The following ATP5F1B variants were observed in gnomAD, a reference collection of about 807,000 sequenced individuals.
The protein encoded by ATP5F1B is ATP synthase F1 subunit beta.
Under a neutral mutation model 45.9 loss-of-function variants are expected in ATP5F1B, and 17 were observed. The observed-to-expected ratio is 0.37, with a 90% CI of 0.25 to 0.56. The LOEUF is 0.56. ATP5F1B is among the 20% of genes least tolerant of loss of function. The probability of loss-of-function intolerance (pLI) is 0.80; values close to 1 mark genes in which losing one functional copy is unlikely to be tolerated. For missense variants in ATP5F1B, 387 were observed against 673.2 expected, an observed-to-expected ratio of 0.57 and a Z score of 4.70; for synonymous variants, 218 against 256.5, an observed-to-expected ratio of 0.85 and a Z score of 1.43.
intron 3 of ATP5F1B, among the ~76,000 whole-genome samples, chr12:56,644,565 C>A (rs988994459): frequency 2.6e-5 from 4 of 151,596 alleles, no homozygotes; most frequent in Non-Finnish European, 5.9e-5. Flanking sequence ...GAGTCGAGAG[C>A]GAAACTCCCT....
At chr12:56,640,552 A>G (rs1384488170) in intron 7 of ATP5F1B, among the ~76,000 whole-genome samples, 1 of 151,964 alleles carries the variant, frequency 6.6e-6, no homozygotes, top group East Asian at 1.9e-4. Flanking sequence ...TACTTAAGCC[A>G]TCCCCCTTTC....
chr12:56,638,981 T>C, intron 9 of ATP5F1B, 125 bp downstream of exon 9: 2 of 886,332 alleles, frequency 2.3e-6, no homozygotes, highest in African/African-American at 1.7e-5. Flanking sequence ...ACAAAATCAA[T>C]GGGTAAGTTT....
intron 8 of ATP5F1B, among the ~76,000 whole-genome samples, chr12:56,639,698 G>A (rs1235404985): frequency 1.3e-5 from 2 of 151,496 alleles, no homozygotes; most frequent in Admixed American, 1.3e-4. Context: ...TTGAACCTGG[G>A]AGGCGGAGGT....
At chr12:56,639,512 G>A (rs1951496577) in intron 8 of ATP5F1B, 8 of 569,858 alleles carry the variant, frequency 1.4e-5, no homozygotes, top group Admixed American at 9.0e-5. Flanking sequence ...AGTGGCTCAC[G>A]TCTGTAATCC....
chr12:56,642,407 T>C, intron 7 of ATP5F1B, 51 bp downstream of exon 7: 1 of 1,608,792 alleles, frequency 6.2e-7, no homozygotes, highest in Non-Finnish European at 8.5e-7. Context: ...GATGCACCAC[T>C]GCACCCTGCC....
At position 56,642,760 on chromosome 12, in the gene ATP5F1B, A is replaced by G. The variant is rs1592644947; in HGVS notation, c.864T>C (p.Thr288=). Residue 288 remains threonine, a synonymous_variant, in exon 6 of 10, where the codon ACT becomes ACC. Transcript: ENST00000262030. ...CTTGGTCTCTGAAGTATTCAGCCAC[A>G]GTCAGCCCAGTCAGAGCTACCCGGG... ...ARARVALTGL[T]VAEYFRDQEG... is the part of the protein sequence containing the mutation. The G allele has an allele frequency of 3.1e-6, 5 of 1,614,068 alleles. No individual in the cohort carries two copies. Among genetic ancestry groups the G allele is most frequent in the East Asian group, 2.2e-5 (1 of 44,900 alleles).
chr12:56,639,422 T>G, intron 8 of ATP5F1B, 115 bp from the exon 9 acceptor site: 3 of 922,454 alleles, frequency 3.3e-6, no homozygotes, highest in Non-Finnish European at 5.0e-6. Flanking sequence ...ATGAGGGCCC[T>G]CAGCCAAGAA....
At position 56,638,436 on chromosome 12, in the gene ATP5F1B, G is replaced by A. The variant is rs1213880447; in HGVS notation, c.1490-13C>T. On this transcript the variant is annotated splice_polypyrimidine_tract_variant and intron_variant, in intron 9 of 9. Coordinates refer to ENST00000262030, the MANE Select transcript of ATP5F1B (RefSeq NM_001686.4). ...TGGTCATATTCACCTGTATGATGGG[G>A]GAGAAAAAAAAAAAGAGTAAGAAGC... is the stretch of plus-strand genomic sequence containing the variant. The A allele has an allele frequency of 1.1e-5, 17 of 1,579,184 alleles. No homozygotes were observed. The African/African-American group carries it at 1.5e-4, about 14-fold the overall frequency.
intron 9 of ATP5F1B, 119 bp from the exon 10 acceptor site, chr12:56,638,542 T>C: frequency 5.1e-6 from 4 of 778,234 alleles, no homozygotes; most frequent in Non-Finnish European, 8.5e-6. Flanking sequence ...ATTCATGTCA[T>C]CTTAGAAAGC....
At chr12:56,639,923 C>A in intron 8 of ATP5F1B, 57 bp downstream of exon 8, 1 of 1,566,786 alleles carries the variant, frequency 6.4e-7, no homozygotes. Context: ...TCATATAGTC[C>A]CCACAGGCCC....
chr12:56,638,259 A>G lies in ATP5F1B; in HGVS notation c.*64T>C. 7.2e-7 allele frequency: 1 copy of G among 1,384,468 alleles called. No individual in the cohort carries two copies. The highest frequency in any genetic ancestry group is 1.0e-6 in the Non-Finnish European group (1 of 980,958). 85.8% of individuals were successfully genotyped at this position (1,384,468 alleles called of 1,614,324 possible). On this transcript the variant is annotated 3_prime_UTR_variant, in exon 10 of 10. Transcript: ENST00000262030. ...CAATCAAGGCTCTTGTGCAGCCTAC[A>G]CAGAAAAATGAAGCTTTTTGGGTTA...
chr12:56,638,593 A>G (rs1415606248), intron 9 of ATP5F1B, among the ~76,000 whole-genome samples, 170 bp from the exon 10 acceptor site: 2 of 152,246 alleles, frequency 1.3e-5, no homozygotes, highest in African/African-American at 4.8e-5. Context: ...GATATGATAC[A>G]GTATGAATTA....
At chr12:56,640,253 G>A (rs1308458116) in intron 7 of ATP5F1B, 61 bp from the exon 8 acceptor site, 9 of 1,329,888 alleles carry the variant, frequency 6.8e-6, no homozygotes, top group Admixed American at 2.0e-5. Flanking sequence ...TTTTTTGAGA[G>A]GGTCTCGCTC....
chr12:56,642,444 G>A lies in ATP5F1B; in HGVS notation c.1074+14C>T. The A allele has an allele frequency of 6.2e-7, 1 of 1,613,340 alleles. No individual in the cohort carries two copies. ...TTATACAAATCAGATCTTCATCTATGTAATTTTTCTTACCTGTACAGAGGT... is the reference window on the plus strand; with the variant it reads ...TTATACAAATCAGATCTTCATCTATATAATTTTTCTTACCTGTACAGAGGT... On this transcript the variant is annotated intron_variant, in intron 7 of 9. Transcript: ENST00000262030.
intron 4 of ATP5F1B, 117 bp from the exon 5 acceptor site, chr12:56,643,704 T>C: frequency 6.3e-7 from 1 of 1,576,536 alleles, no homozygotes; most frequent in Non-Finnish European, 8.7e-7. Flanking sequence ...GCATCTGGCT[T>C]CAGCAAACTC....
At chr12:56,643,165 C>G (rs1345523302) in intron 5 of ATP5F1B, 1 of 487,418 alleles carries the variant, frequency 2.1e-6, no homozygotes, top group African/African-American at 2.0e-5. Context: ...AAAAGAAAAC[C>G]TGGAAATGTT....
rs773130792 is a variant in ATP5F1B at position 56,642,635 on chromosome 12, G to T, written c.951+38C>A. On this transcript the variant is annotated intron_variant, in intron 6 of 9. Transcript: ENST00000262030. The stretch of plus-strand genomic sequence containing the variant: ...CATCCTTAGCCTCATCCGAAGAAAG[G>T]CCAGATGAACCAGGTCCTCTCAAGC... 1.7e-5 allele frequency: 28 copies of T among 1,613,832 alleles called. No individual in the cohort carries two copies. In the South Asian group the frequency reaches 3.1e-4, roughly 18 times the overall value.
chr12:56,640,334 TTC>T (rs918643013), intron 7 of ATP5F1B, 142 bp from the exon 8 acceptor site: 57 of 680,064 alleles, frequency 8.4e-5, no homozygotes, highest in Admixed American at 5.7e-5. Context: ...ATTCAAGCAA[TTC>T]TCTGTCTCAG....
At chr12:56,644,683 G>C in intron 3 of ATP5F1B, 98 bp downstream of exon 3, 1 of 1,313,180 alleles carries the variant, frequency 7.6e-7, no homozygotes, top group Non-Finnish European at 1.0e-6. Flanking sequence ...GAACGTATCA[G>C]AAGAAAAATT....
Sources: allele counts gnomAD v4.1 joint callset (sites outside exome capture counted in the v4.1 genomes callset), GRCh38; gene constraint gnomAD v4.1.1; transcripts MANE v1.5; gene names NCBI Gene and HGNC (gene_info 2026-07-23, HGNC 2026-07-21).